FOXP2: variants seen among roughly 807,000 people sequenced by gnomAD.
The protein encoded by FOXP2 is forkhead box protein P2.
Under a neutral mutation model 115.8 loss-of-function variants are expected in FOXP2, and 12 were observed. The observed-to-expected ratio is 0.10, with a 90% CI of 0.07 to 0.17. The LOEUF (loss-of-function observed/expected upper bound fraction) is 0.17, where lower values mean the gene tolerates loss of function less well. FOXP2 is among the 10% of genes least tolerant of loss of function. The pLI, the probability that FOXP2 is intolerant of heterozygous loss-of-function variation, is 1.00. For synonymous variants in FOXP2, 328 were observed against 297.7 expected (o/e 1.10, Z -1.05); for missense variants, 629 against 843.5 (o/e 0.75, Z 3.15).
intron 2 of FOXP2, among the ~76,000 whole-genome samples, chr7:114,434,428 T>G (rs1411662959): frequency 1.5e-5 from 1 of 66,332 alleles, no homozygotes; most frequent in African/African-American, 7.4e-5. Context: ...ACCTCACGGT[T>G]TAATATATAT....
At chr7:114,132,717 A>AGCT (rs1791925135) in intron 1 of FOXP2, among the ~76,000 whole-genome samples, 1 of 152,042 alleles carries the variant, frequency 6.6e-6, no homozygotes, top group Non-Finnish European at 1.5e-5. Flanking sequence ...AAGGAAAGTA[A>AGCT]GCTAAGGCAG....
rs776108587 is a variant in FOXP2, at chr7:114,662,175, A to G, written c.1758A>G (p.Gln586=). The G allele has an allele frequency of 6.8e-5, 110 of 1,612,582 alleles. No homozygotes were observed. Among genetic ancestry groups the G allele is most frequent in the Non-Finnish European group, 9.0e-5 (106 of 1,179,032 alleles). Reference sequence around the variant, plus strand: ...TAGAATACCAGAAGCGAAGGTCACAAAAGATAACAGGGTATGTTTGTGATA... The same window carrying G: ...TAGAATACCAGAAGCGAAGGTCACAGAAGATAACAGGGTATGTTTGTGATA... ...DEVEYQKRRS[Q]KITGSPTLVK... The change falls in exon 14 of 17, where the codon CAA becomes CAG. Residue 586 remains glutamine (Q), a synonymous_variant. Coordinates refer to ENST00000350908, the MANE Select transcript of FOXP2 (RefSeq NM_014491.4).
At chr7:114,192,366 G>C (rs1271622889) in intron 1 of FOXP2, among the ~76,000 whole-genome samples, 2 of 152,100 alleles carry the variant, frequency 1.3e-5, no homozygotes, top group African/African-American at 4.8e-5. Context: ...TTCACGGTTT[G>C]TTTATCCATT....
chr7:114,688,568 A>C (rs1308630023), intron 16 of FOXP2, among the ~76,000 whole-genome samples: 1 of 152,150 alleles, frequency 6.6e-6, no homozygotes, highest in Non-Finnish European at 1.5e-5. Context: ...TAATGTGTCA[A>C]AAATAATTAG....
In FOXP2 at chr7:114,521,014, AGAG is replaced by A. The variant is rs1450634045; in HGVS notation, c.169-13600_169-13598del. ...GGGAAAAGTCTAAATATCTATCAGA[AGAG>A]GATTGTATTAAAGAAAATTGAGCTT... On this transcript the variant is annotated intron_variant, in intron 2 of 16. Coordinates refer to ENST00000350908, the MANE Select transcript of FOXP2 (RefSeq NM_014491.4). Among the ~76,000 whole-genome samples the A allele has an allele frequency of 5.3e-5, 8 of 152,236 alleles. No individual in the cohort carries two copies. The East Asian group carries it at 1.5e-3, about 29-fold the overall frequency.
At chr7:114,146,303 G>T (rs1193162651) in intron 1 of FOXP2, among the ~76,000 whole-genome samples, 2 of 152,168 alleles carry the variant, frequency 1.3e-5, no homozygotes, top group African/African-American at 4.8e-5. Flanking sequence ...GGAACACTAG[G>T]CATAATACAT....
chr7:114,444,569 G>A (rs538129724), intron 2 of FOXP2, among the ~76,000 whole-genome samples: 9 of 152,208 alleles, frequency 5.9e-5, no homozygotes, highest in African/African-American at 2.2e-4. Flanking sequence ...TATATGAATT[G>A]TTTTCCAAAA....
intron 1 of FOXP2, among the ~76,000 whole-genome samples, chr7:114,124,691 T>C (rs185241244): frequency 2.4e-3 from 359 of 152,158 alleles, no homozygotes; most frequent in Non-Finnish European, 3.1e-3. Context: ...CTAAATAGTA[T>C]ACATTTTCTT....
At chr7:114,567,686 G>A (rs1179479420) in intron 3 of FOXP2, among the ~76,000 whole-genome samples, 2 of 151,934 alleles carry the variant, frequency 1.3e-5, no homozygotes, top group Non-Finnish European at 2.9e-5. Flanking sequence ...TTGCCTCCCG[G>A]AGATCCATTT....
intron 2 of FOXP2, among the ~76,000 whole-genome samples, chr7:114,371,309 C>T (rs976482332): frequency 2.3e-4 from 35 of 149,682 alleles, no homozygotes; most frequent in African/African-American, 8.3e-4. Context: ...TGGACTCAAA[C>T]TCCTGGGCTC....
At chr7:114,472,508 G>T (rs889610956) in intron 2 of FOXP2, among the ~76,000 whole-genome samples, 2 of 151,878 alleles carry the variant, frequency 1.3e-5, no homozygotes, top group Non-Finnish European at 2.9e-5. Flanking sequence ...ACCACACTTG[G>T]CTAATTTTTT....
rs1797435351 is a variant in FOXP2 at position 114,498,778 on chromosome 7, C to A, written c.169-35839C>A. 20 of 703,664 alleles carry A rather than the reference C, an allele frequency of 2.8e-5. No homozygotes were observed. In the South Asian group the frequency reaches 3.1e-4, roughly 11 times the overall value. The allele number at this position is 703,664 out of a possible 1,614,324, so 43.6% of individuals were successfully genotyped here. On this transcript the variant is annotated intron_variant, in intron 2 of 16. Transcript: ENST00000350908. Reference sequence around the variant, plus strand: ...CATCTTATTTAATTTTATAGGCATACTTTGCAAATAATTTTTTTGGGGGTA... The same window carrying A: ...CATCTTATTTAATTTTATAGGCATAATTTGCAAATAATTTTTTTGGGGGTA...
At chr7:114,375,774 G>A (rs1014947330) in intron 2 of FOXP2, among the ~76,000 whole-genome samples, 19 of 152,088 alleles carry the variant, frequency 1.2e-4, no homozygotes, top group African/African-American at 4.3e-4. Flanking sequence ...CTTGTTGACC[G>A]GGCTGCTGGC....
At chr7:114,494,752 TAAC>T (rs1213348800) in intron 2 of FOXP2, among the ~76,000 whole-genome samples, 5 of 152,178 alleles carry the variant, frequency 3.3e-5, no homozygotes, top group South Asian at 4.1e-4. Flanking sequence ...ATATCTCTGT[TAAC>T]AAAGACTCAT....
chr7:114,323,792 T>C (rs1230707499), intron 2 of FOXP2, among the ~76,000 whole-genome samples: 1 of 152,014 alleles, frequency 6.6e-6, no homozygotes, highest in Non-Finnish European at 1.5e-5. Flanking sequence ...ATACTGTTGT[T>C]ATTTTTAGAT....
intron 2 of FOXP2, among the ~76,000 whole-genome samples, chr7:114,452,592 T>C (rs192864112): frequency 3.3e-4 from 50 of 152,240 alleles, no homozygotes; most frequent in African/African-American, 1.1e-3. Context: ...GGTGTCTCTT[T>C]AAGATGATCA....
chr7:114,535,689 G>A (rs1799354712), intron 3 of FOXP2, among the ~76,000 whole-genome samples: 1 of 151,460 alleles, frequency 6.6e-6, no homozygotes, highest in African/African-American at 2.4e-5. Flanking sequence ...CCAAAAATTA[G>A]TTATTACCTA....
At chr7:114,128,681 G>A (rs1283425714) in intron 1 of FOXP2, among the ~76,000 whole-genome samples, 1 of 151,916 alleles carries the variant, frequency 6.6e-6, no homozygotes, top group East Asian at 1.9e-4. Context: ...TCCTGAACAT[G>A]TCCATTTTAG....
chr7:114,163,525 T>C (rs1182383673), intron 1 of FOXP2, among the ~76,000 whole-genome samples: 1 of 152,296 alleles, frequency 6.6e-6, no homozygotes, highest in East Asian at 1.9e-4. Context: ...TACATTAATT[T>C]CTTTATTCAC....
Sources: gnomAD v4.1 joint callset for allele counts (sites outside exome capture counted in the v4.1 genomes callset) on GRCh38, gnomAD v4.1.1 for gene constraint, MANE v1.5 for transcripts, NCBI Gene and HGNC (gene_info 2026-07-23, HGNC 2026-07-21) for gene names.